The following ERI3 variants were observed in gnomAD, a reference collection of about 807,000 sequenced individuals.
ERI3 encodes the protein ERI1 exoribonuclease 3.
ERI3 carries 18 observed loss-of-function variants against 44.4 expected under a neutral mutation model. That is an observed-to-expected ratio of 0.41 (90% CI 0.28 to 0.60). The LOEUF (loss-of-function observed/expected upper bound fraction) is 0.60, where lower values mean the gene tolerates loss of function less well. ERI3 is among the 20% of genes least tolerant of loss of function. ERI3 has a pLI of 0.36. For synonymous variants in ERI3, 183 were observed against 164.8 expected (o/e 1.11, Z -0.84); for missense variants, 294 against 435.5 (o/e 0.68, Z 2.89).
At position 44,319,116 on chromosome 1, in the gene ERI3, T is replaced by C. The variant is rs1157431387; in HGVS notation, c.606+512A>G. ...ACCTAGGATAAGCAGATTTCAGCCT[T>C]GGCCAGCCAGGTCTCATGCTTCACT... is the stretch of plus-strand genomic sequence containing the variant. On this transcript the variant is annotated intron_variant, in intron 4 of 8. Coordinates refer to ENST00000372257, the MANE Select transcript of ERI3 (RefSeq NM_024066.3). 4.6e-5 allele frequency among the ~76,000 whole-genome samples: 7 copies of C among 152,240 alleles called. No homozygotes were observed. In the East Asian group the frequency reaches 5.8e-4, roughly 13 times the overall value.
Position 44,354,982 on chromosome 1 carries a change from G to T in ERI3, c.45C>A (p.Pro15=). ...GCCAGGAGACCAGCCCTCCTTCCCA[G>T]GGCCGCCCCCGCCCCCCGTCAGCAG... ...SPAADGGRGR[P]WEGGLVSWPP... Residue 15 remains proline, a synonymous_variant, in exon 1 of 9, where the codon CCC becomes CCA. Coordinates refer to ENST00000372257, the MANE Select transcript of ERI3 (RefSeq NM_024066.3). 1 of 1,369,764 alleles carries T rather than the reference G, an allele frequency of 7.3e-7. No homozygotes were observed. Among genetic ancestry groups the T allele is most frequent in the Non-Finnish European group, 9.5e-7 (1 of 1,056,312 alleles). The allele number at this position is 1,369,764 out of a possible 1,614,324, so 84.9% of individuals were successfully genotyped here.
chr1:44,331,692 T>C (rs1038910008), intron 3 of ERI3, among the ~76,000 whole-genome samples: 7 of 152,212 alleles, frequency 4.6e-5, no homozygotes, highest in Admixed American at 1.3e-4. Flanking sequence ...TTTACCTCAT[T>C]TTCAATATTT....
At chr1:44,300,496 G>A (rs564658926) in intron 6 of ERI3, among the ~76,000 whole-genome samples, 2 of 152,200 alleles carry the variant, frequency 1.3e-5, no homozygotes, top group Non-Finnish European at 2.9e-5. Flanking sequence ...TTCCAGAGCA[G>A]AGCAACTATC....
At position 44,354,979 on chromosome 1, in the gene ERI3, C is replaced by G; in HGVS notation, c.48G>C (p.Trp16Cys). 7.3e-7 allele frequency: 1 copy of G among 1,368,430 alleles called. No homozygotes were observed. Among genetic ancestry groups the G allele is most frequent in the South Asian group, 2.1e-5 (1 of 46,574 alleles). 84.8% of individuals were successfully genotyped at this position (1,368,430 alleles called of 1,614,324 possible). Residue 16 changes from tryptophan (W) to cysteine (C), a missense_variant, in exon 1 of 9, where the codon TGG becomes TGC. Physicochemically the swap from Trp to Cys is radical, Grantham distance 215 (BLOSUM62 -2). Transcript: ENST00000372257. ...GGGGCCAGGAGACCAGCCCTCCTTC[C>G]CAGGGCCGCCCCCGCCCCCCGTCAG... ...PAADGGRGRP[W>C]EGGLVSWPPA...
rs1356122043 is a variant in ERI3, at chr1:44,241,854, G to GTACATAC, written c.931+6084_931+6085insGTATGTA. The GTACATAC allele has an allele frequency of 7.1e-6, 3 of 420,694 alleles. No individual in the cohort carries two copies. In the African/African-American group the frequency reaches 7.6e-5, roughly 11 times the overall value. 26.1% of individuals were successfully genotyped at this position (420,694 alleles called of 1,614,324 possible). A position where few individuals can be genotyped will look rare whatever the true frequency, so the allele number is the denominator to read the frequency against. On this transcript the variant is annotated intron_variant, in intron 8 of 8. Transcript: ENST00000372257. The surrounding 1 kb of genome is among the most constrained non-coding windows in gnomAD (Gnocchi z 5.6). ...TACATACATACATACATACATACAG[G>GTACATAC]AGAACCTTCTTCCATCCATCTGTCC...
At chr1:44,315,728 G>A (rs1159884246) in intron 4 of ERI3, among the ~76,000 whole-genome samples, 1 of 152,236 alleles carries the variant, frequency 6.6e-6, no homozygotes, top group African/African-American at 2.4e-5. Flanking sequence ...GAGACACAGG[G>A]GCTTGAGCAG....
intron 5 of ERI3, among the ~76,000 whole-genome samples, chr1:44,312,952 C>T (rs1018408882): frequency 3.3e-5 from 5 of 152,234 alleles, no homozygotes; most frequent in African/African-American, 1.2e-4. Flanking sequence ...CTCCTGGCAG[C>T]ACTGGGACAT....
intron 7 of ERI3, among the ~76,000 whole-genome samples, chr1:44,283,714 G>A (rs1296962226): frequency 6.6e-6 from 1 of 152,170 alleles, no homozygotes; most frequent in Non-Finnish European, 1.5e-5. Context: ...CACAAATGAT[G>A]CCACAAAGCA....
chr1:44,308,490 T>C, intron 5 of ERI3, 89 bp from the exon 6 acceptor site: 1 of 1,015,026 alleles, frequency 9.9e-7, no homozygotes, highest in Non-Finnish European at 1.6e-6. Context: ...ATAAGCTGCT[T>C]GTAATCAGAA....
chr1:44,334,283 G>A (rs1183726901), intron 3 of ERI3, among the ~76,000 whole-genome samples: 1 of 152,194 alleles, frequency 6.6e-6, no homozygotes, highest in Non-Finnish European at 1.5e-5. Flanking sequence ...TGAACACTGA[G>A]GTGGTGAGTG....
intron 8 of ERI3, among the ~76,000 whole-genome samples, chr1:44,234,906 C>A (rs1467363814): frequency 6.6e-6 from 1 of 152,018 alleles, no homozygotes; most frequent in Admixed American, 6.5e-5. Context: ...CCATACCCGG[C>A]CTAAGAGGCC....
In ERI3 at chr1:44,221,365, C is replaced by T. The variant is rs143029331; in HGVS notation, c.*193G>A. On this transcript the variant is annotated 3_prime_UTR_variant, in exon 9 of 9. Coordinates refer to ENST00000372257, the MANE Select transcript of ERI3 (RefSeq NM_024066.3). The surrounding 1 kb of genome is among the most constrained non-coding windows in gnomAD (Gnocchi z 5.9). ...GGGGATGGGGGGCACAAAGTGTCTGCTCCAGAAGGGCCAAGTGGCCAAGCC... is the reference window on the plus strand; with the variant it reads ...GGGGATGGGGGGCACAAAGTGTCTGTTCCAGAAGGGCCAAGTGGCCAAGCC... 226 of 580,492 alleles carry T rather than the reference C, an allele frequency of 3.9e-4. 3 individuals carry two copies. In the East Asian group the frequency reaches 6.6e-3, roughly 17 times the overall value. The allele number at this position is 580,492 out of a possible 1,614,324, so 36.0% of individuals were successfully genotyped here.
intron 7 of ERI3, among the ~76,000 whole-genome samples, chr1:44,279,290 T>A (rs1010598042): frequency 6.6e-6 from 1 of 152,006 alleles, no homozygotes; most frequent in Non-Finnish European, 1.5e-5. Flanking sequence ...AGTGGTACAA[T>A]CACAGCTCAC....
rs543268486 is a variant in ERI3 at position 44,339,009 on chromosome 1, C to T, written c.489+36G>A. 2.5e-6 allele frequency: 4 copies of T among 1,600,968 alleles called. No homozygotes were observed. The East Asian group carries it at 6.7e-5, about 27-fold the overall frequency. ...AACTATCCTCCCTCCCTCCTTGCCC[C>T]CCCCACCTTTTCTAAAGCAATGATG... is the stretch of plus-strand genomic sequence containing the variant. On this transcript the variant is annotated intron_variant, in intron 3 of 8. Transcript: ENST00000372257.
chr1:44,313,223 G>C lies in ERI3; in HGVS notation c.612C>G (p.Thr204=). 2 of 1,614,002 alleles carry C rather than the reference G, an allele frequency of 1.2e-6. No individual in the cohort carries two copies. The highest frequency in any genetic ancestry group is 1.7e-6 in the Non-Finnish European group (2 of 1,179,980). ...PQLTPFCTEL[T]GIIQAMVDGQ... ...CATCCACCATGGCTTGAATAATCCC[G>C]GTGAGCTGAAAGGAAAGAGAAATAG... The change falls in exon 5 of 9, where the codon ACC becomes ACG. Residue 204 remains threonine, a synonymous_variant. Transcript: ENST00000372257.
intron 7 of ERI3, among the ~76,000 whole-genome samples, chr1:44,248,542 A>G (rs1644601877): frequency 6.6e-6 from 1 of 152,194 alleles, no homozygotes; most frequent in African/African-American, 2.4e-5. Flanking sequence ...GCAAGGTGCC[A>G]TGGTCAAGGT....
intron 7 of ERI3, among the ~76,000 whole-genome samples, chr1:44,264,719 A>G (rs1644957451): frequency 6.6e-6 from 1 of 152,150 alleles, no homozygotes; most frequent in Admixed American, 6.5e-5. Context: ...CAGCCTTCCA[A>G]ATCAGCTGAT....
At chr1:44,319,458 G>C (rs192078095) in intron 4 of ERI3, among the ~76,000 whole-genome samples, 170 bp downstream of exon 4, 19 of 152,384 alleles carry the variant, frequency 1.2e-4, no homozygotes, top group Admixed American at 1.2e-3. Context: ...AGTAACAACA[G>C]TGACCTGAGT....
chr1:44,252,241 A>G lies in ERI3; in HGVS notation c.832-4203T>C, dbSNP rs546271655. Reference sequence around the variant, plus strand: ...TGGGCCTACCAAGCCAAACCACCTCAGCCCTGTGCCAGGCAGGCACGCACA... The same window carrying G: ...TGGGCCTACCAAGCCAAACCACCTCGGCCCTGTGCCAGGCAGGCACGCACA... On this transcript the variant is annotated intron_variant, in intron 7 of 8. Coordinates refer to ENST00000372257, the MANE Select transcript of ERI3 (RefSeq NM_024066.3). This position sits in a 1 kb window ranked among gnomAD's most constrained non-coding sequence, Gnocchi z 4.7. 3.3e-5 allele frequency among the ~76,000 whole-genome samples: 5 copies of G among 152,352 alleles called. No homozygotes were observed. The South Asian group carries it at 1.0e-3, about 32-fold the overall frequency.
Sources: allele counts gnomAD v4.1 joint callset (sites outside exome capture counted in the v4.1 genomes callset), GRCh38; gene constraint gnomAD v4.1.1; non-coding constraint Gnocchi (gnomAD v3.1); transcripts MANE v1.5; gene names NCBI Gene and HGNC (gene_info 2026-07-23, HGNC 2026-07-21).